NEK10: variants seen among roughly 807,000 people sequenced by gnomAD.
NEK10 encodes the protein NIMA related kinase 10.
In NEK10, 122 loss-of-function variants were observed where a neutral mutation model predicts 159.8. The ratio of observed to expected loss-of-function variants is 0.76; its 90% CI spans 0.66 to 0.89. The LOEUF is 0.89. Among genes scored for constraint, NEK10 ranks in the 40% least tolerant of loss-of-function variants. NEK10 has a pLI of 0.00. For missense variants in NEK10, 1,342 were observed against 1,323.1 expected, an observed-to-expected ratio of 1.01 and a Z score of -0.22; for synonymous variants, 466 against 457.1, an observed-to-expected ratio of 1.02 and a Z score of -0.25.
chr3:27,332,678 G>A (rs538272378), intron 5 of NEK10, among the ~76,000 whole-genome samples: 58 of 152,334 alleles, frequency 3.8e-4, no homozygotes, highest in Admixed American at 1.2e-3. Flanking sequence ...AGGAATTCCA[G>A]AGAAGCAGAT....
chr3:27,327,936 A>G (rs985367167), intron 5 of NEK10, among the ~76,000 whole-genome samples: 1 of 49,846 alleles, frequency 2.0e-5, no homozygotes, highest in Non-Finnish European at 5.4e-5. Flanking sequence ...GCAAAACTTA[A>G]AAAAAAAAAA....
rs777044113 is a variant in NEK10, at chr3:27,352,841, T to C, written c.42A>G (p.Ser14=). Residue 14 remains serine, a synonymous_variant, in exon 2 of 36, where the codon TCA becomes TCG. Coordinates refer to ENST00000691995, the MANE Select transcript of NEK10 (RefSeq NM_001394966.1). ...QDKKVKTTEK[S]TDKQQEITIR... ...TGGTGATTTCTTGCTGTTTATCAGT[T>C]GATTTTTCTGTGGTCTTCACCTTTT... 3.1e-6 allele frequency: 5 copies of C among 1,611,294 alleles called. No individual in the cohort carries two copies. The highest frequency in any genetic ancestry group is 1.7e-5 in the Admixed American group (1 of 59,894).
At chr3:27,188,618 T>C (rs145096919) in intron 26 of NEK10, among the ~76,000 whole-genome samples, 6 of 152,308 alleles carry the variant, frequency 3.9e-5, no homozygotes, top group African/African-American at 1.4e-4. Context: ...TTGTGATTCC[T>C]GCAAGTCTCA....
chr3:27,270,395 G>C (rs1384460387), intron 22 of NEK10, among the ~76,000 whole-genome samples: 1 of 152,158 alleles, frequency 6.6e-6, no homozygotes, highest in Non-Finnish European at 1.5e-5. Flanking sequence ...CCAGGCTTCA[G>C]ATGATGCATC....
intron 31 of NEK10, among the ~76,000 whole-genome samples, chr3:27,140,499 TAG>T (rs1184939993): frequency 1.3e-5 from 2 of 152,232 alleles, no homozygotes; most frequent in African/African-American, 4.8e-5. Flanking sequence ...TCAAGATTCC[TAG>T]AGTCTTATCA....
At chr3:27,305,473 G>A (rs376002338) in intron 11 of NEK10, among the ~76,000 whole-genome samples, 46 of 152,034 alleles carry the variant, frequency 3.0e-4, no homozygotes, top group African/African-American at 1.0e-3. Context: ...GCAGTGAGCC[G>A]AGGTCACTTG....
At chr3:27,273,006 A>T (rs2041490708) in intron 22 of NEK10, among the ~76,000 whole-genome samples, 1 of 152,044 alleles carries the variant, frequency 6.6e-6, no homozygotes, top group Non-Finnish European at 1.5e-5. Flanking sequence ...GATTGGGAAA[A>T]GCCTCTGTGA....
intron 22 of NEK10, chr3:27,265,523 G>A (rs1474540101): frequency 1.3e-5 from 2 of 152,096 alleles, no homozygotes; most frequent in Non-Finnish European, 2.9e-5. Context: ...TTTCCTTAGA[G>A]CTTATTTGTG....
chr3:27,156,941 T>C lies in NEK10; in HGVS notation c.2869+5760A>G, dbSNP rs1214270428. Among the ~76,000 whole-genome samples the C allele has an allele frequency of 8.4e-4, 61 of 72,764 alleles. 2 individuals carry two copies. The highest frequency in any genetic ancestry group is 3.6e-3 in the African/African-American group (60 of 16,742). 47.7% of individuals were successfully genotyped at this position (72,764 alleles called of 152,430 possible). A position where few individuals can be genotyped will look rare whatever the true frequency, so the allele number is the denominator to read the frequency against. On this transcript the variant is annotated intron_variant, in intron 30 of 35. Transcript: ENST00000691995. ...GCATAAAGAAACTGATATATATATA[T>C]ATATATATATATATATATATATATA...
chr3:27,255,340 G>T, intron 23 of NEK10: 1 of 408,156 alleles, frequency 2.5e-6, no homozygotes, highest in South Asian at 1.9e-5. Context: ...TATCCAGTAA[G>T]ATAAATGAAA....
chr3:27,232,649 C>T (rs929005633), intron 23 of NEK10, among the ~76,000 whole-genome samples: 1 of 151,964 alleles, frequency 6.6e-6, no homozygotes. Flanking sequence ...ATCACATTAC[C>T]AGACTTCAAA....
intron 9 of NEK10, chr3:27,309,623 C>T (rs1427000588): frequency 6.6e-6 from 1 of 152,150 alleles, no homozygotes; most frequent in Admixed American, 6.5e-5. Flanking sequence ...TATTCTCTCC[C>T]CCTTCTGATC....
intron 5 of NEK10, among the ~76,000 whole-genome samples, chr3:27,334,124 G>T (rs1190824356): frequency 2.0e-5 from 3 of 152,122 alleles, no homozygotes; most frequent in African/African-American, 7.2e-5. Context: ...GCCCAGCCTA[G>T]TCTACCACCA....
At chr3:27,280,611 T>C (rs1438117431) in intron 22 of NEK10, among the ~76,000 whole-genome samples, 1 of 152,130 alleles carries the variant, frequency 6.6e-6, no homozygotes, top group Non-Finnish European at 1.5e-5. Flanking sequence ...TTGAAGAGTA[T>C]TCTCTAGAAA....
At chr3:27,133,630 C>T (rs550923207) in intron 31 of NEK10, among the ~76,000 whole-genome samples, 18 of 152,076 alleles carry the variant, frequency 1.2e-4, no homozygotes, top group African/African-American at 2.7e-4. Flanking sequence ...CAAAATTAGC[C>T]GGGCATGGTG....
At chr3:27,300,953 C>G (rs1270130004) in intron 13 of NEK10, among the ~76,000 whole-genome samples, 1 of 152,110 alleles carries the variant, frequency 6.6e-6, no homozygotes, top group Non-Finnish European at 1.5e-5. Flanking sequence ...AAAGCCTGCC[C>G]TCTCCCACTT....
At chr3:27,261,058 G>A (rs975043535) in intron 22 of NEK10, among the ~76,000 whole-genome samples, 14 of 151,890 alleles carry the variant, frequency 9.2e-5, no homozygotes, top group Non-Finnish European at 1.8e-4. Flanking sequence ...CTGTGGGATC[G>A]GTGGTGATAT....
chr3:27,158,848 G>T (rs1219111070), intron 30 of NEK10, among the ~76,000 whole-genome samples: 3 of 152,128 alleles, frequency 2.0e-5, no homozygotes, highest in Non-Finnish European at 2.9e-5. Context: ...TACTTGAAAA[G>T]AACACGTTTC....
intron 13 of NEK10, among the ~76,000 whole-genome samples, chr3:27,300,250 G>T (rs191377937): frequency 6.6e-6 from 1 of 152,260 alleles, no homozygotes; most frequent in South Asian, 2.1e-4. Flanking sequence ...TCTCACTTGA[G>T]ATCTGATTGT....
Sources: allele counts gnomAD v4.1 joint callset (sites outside exome capture counted in the v4.1 genomes callset), GRCh38; gene constraint gnomAD v4.1.1; transcripts MANE v1.5; gene names NCBI Gene and HGNC (gene_info 2026-07-23, HGNC 2026-07-21).